Variants in NCKAP5 observed in about 807,000 individuals in gnomAD.
The protein encoded by NCKAP5 is nck-associated protein 5.
A neutral mutation model predicts 167.0 loss-of-function variants in NCKAP5; 92 were observed. That is an observed-to-expected ratio of 0.55 (90% CI 0.47 to 0.66). The LOEUF is 0.66. Ranked by LOEUF, NCKAP5 falls within the 30% of genes least tolerant of loss-of-function variation. The pLI, the probability that NCKAP5 is intolerant of heterozygous loss-of-function variation, is 0.00. For synonymous variants in NCKAP5, 891 were observed against 877.4 expected, an observed-to-expected ratio of 1.02 and a Z score of -0.27; for missense variants, 2,378 against 2,315.0, an observed-to-expected ratio of 1.03 and a Z score of -0.56.
At chr2:132,908,944 T>A (rs909269881) in intron 8 of NCKAP5, among the ~76,000 whole-genome samples, 11 of 152,228 alleles carry the variant, frequency 7.2e-5, no homozygotes, top group African/African-American at 2.7e-4. Flanking sequence ...CATTTCTTCA[T>A]CCTCACTGAA....
At chr2:133,014,107 T>C (rs2078255066) in intron 6 of NCKAP5, among the ~76,000 whole-genome samples, 1 of 152,198 alleles carries the variant, frequency 6.6e-6, no homozygotes, top group African/African-American at 2.4e-5. Flanking sequence ...CAACAATTTT[T>C]ATCATTTCAA....
rs189017129 is a variant in NCKAP5, at chr2:132,996,733, C to T, written c.342-2494G>A. 2.7e-3 allele frequency among the ~76,000 whole-genome samples: 418 copies of T among 152,344 alleles called. 6 individuals are homozygous for T. Among genetic ancestry groups the T allele is most frequent in the African/African-American group, 9.1e-3 (379 of 41,578 alleles). On this transcript the variant is annotated intron_variant, in intron 6 of 19. Coordinates refer to ENST00000409261, the MANE Select transcript of NCKAP5 (RefSeq NM_207363.3). ...CTCAACTGTAGATAAAATACATACT[C>T]ACTAGACATTATTGTATGAATCCTT...
At chr2:133,139,242 A>G (rs1250548461) in intron 5 of NCKAP5, among the ~76,000 whole-genome samples, 1 of 152,212 alleles carries the variant, frequency 6.6e-6, no homozygotes, top group African/African-American at 2.4e-5. Flanking sequence ...CTCACATTCT[A>G]TACAGCAATG....
At chr2:133,049,349 T>C (rs1175948267) in intron 6 of NCKAP5, among the ~76,000 whole-genome samples, 3 of 151,908 alleles carry the variant, frequency 2.0e-5, no homozygotes, top group Admixed American at 2.0e-4. Context: ...ATTGAGAGCA[T>C]CCTGGCTAAC....
intron 6 of NCKAP5, among the ~76,000 whole-genome samples, chr2:133,009,731 A>G (rs1208839014): frequency 6.6e-6 from 1 of 152,198 alleles, no homozygotes; most frequent in African/African-American, 2.4e-5. Context: ...ATGTATTAAG[A>G]GCCAGAAGAG....
intron 3 of NCKAP5, among the ~76,000 whole-genome samples, chr2:133,366,557 C>A (rs961010628): frequency 6.6e-6 from 1 of 152,090 alleles, no homozygotes; most frequent in Admixed American, 6.5e-5. Flanking sequence ...CAGCCTCAGC[C>A]CCCCAAAGTG....
At chr2:132,989,449 A>C (rs955180809) in intron 7 of NCKAP5, among the ~76,000 whole-genome samples, 1 of 152,150 alleles carries the variant, frequency 6.6e-6, no homozygotes, top group Non-Finnish European at 1.5e-5. Context: ...GGGACCCGGG[A>C]GGTGCTTTTC....
At chr2:133,460,912 T>C (rs992223428) in intron 3 of NCKAP5, among the ~76,000 whole-genome samples, 2 of 152,134 alleles carry the variant, frequency 1.3e-5, no homozygotes, top group Non-Finnish European at 2.9e-5. Context: ...ATCAAAGCAT[T>C]ATTTATAGTT....
the NCKAP5 span, among the ~76,000 whole-genome samples, chr2:133,619,003 T>C: frequency 1.4e-5 from 2 of 144,466 alleles, no homozygotes; most frequent in East Asian, 2.0e-4. Context: ...ATGTCCTTTG[T>C]AGGGACATGG....
intron 3 of NCKAP5, among the ~76,000 whole-genome samples, chr2:133,340,428 G>T (rs1683496478): frequency 6.6e-6 from 1 of 152,122 alleles, no homozygotes; most frequent in South Asian, 2.1e-4. Flanking sequence ...GGAAGACTTA[G>T]CCTTCTTTTC....
At chr2:133,369,275 A>G (rs1037470718) in intron 3 of NCKAP5, among the ~76,000 whole-genome samples, 2 of 152,204 alleles carry the variant, frequency 1.3e-5, no homozygotes, top group Admixed American at 1.3e-4. Flanking sequence ...GTGCAGAACT[A>G]TCGAAGCAAT....
the NCKAP5 span, among the ~76,000 whole-genome samples, chr2:133,602,729 C>T: frequency 6.6e-6 from 1 of 152,298 alleles, no homozygotes; most frequent in East Asian, 1.9e-4. Flanking sequence ...AGAAACAGGC[C>T]TTGGGCCAGC....
intron 6 of NCKAP5, among the ~76,000 whole-genome samples, chr2:133,090,787 T>G (rs1303393209): frequency 2.3e-5 from 3 of 128,004 alleles, no homozygotes; most frequent in Non-Finnish European, 4.9e-5. Flanking sequence ...GTTGGAGACT[T>G]GGCGGGGGAA....
intron 5 of NCKAP5, among the ~76,000 whole-genome samples, chr2:133,160,504 G>A (rs2083753968): frequency 1.4e-5 from 2 of 145,610 alleles, no homozygotes; most frequent in Non-Finnish European, 3.0e-5. Context: ...CAGCCCTTAG[G>A]ATCAGAAAAG....
chr2:133,276,139 TCTTC>T (rs1295989725), intron 4 of NCKAP5, among the ~76,000 whole-genome samples: 1 of 152,122 alleles, frequency 6.6e-6, no homozygotes, highest in African/African-American at 2.4e-5. Context: ...AAACATTTTC[TCTTC>T]CTTATGATTT....
At chr2:133,571,704 TC>T (rs1200685845), upstream of NCKAP5, among the ~76,000 whole-genome samples, 5 of 152,006 alleles carry the variant, frequency 3.3e-5, no homozygotes, top group South Asian at 2.1e-4. Context: ...AGCCAAAAGG[TC>T]TCTTAGAGCT....
chr2:133,229,813 A>C (rs1574445852), intron 4 of NCKAP5, among the ~76,000 whole-genome samples: 1 of 152,020 alleles, frequency 6.6e-6, no homozygotes, highest in South Asian at 2.1e-4. Context: ...CACACACACA[A>C]AACCTCCATG....
chr2:132,965,000 CTT>C (rs1422073605), intron 7 of NCKAP5, among the ~76,000 whole-genome samples: 5 of 151,932 alleles, frequency 3.3e-5, no homozygotes, highest in African/African-American at 9.7e-5. Context: ...AAAAATATGT[CTT>C]AATGTATATG....
intron 1 of NCKAP5, among the ~76,000 whole-genome samples, chr2:133,565,263 C>G (rs554499992): frequency 1.1e-4 from 17 of 152,174 alleles, no homozygotes; most frequent in Non-Finnish European, 2.1e-4. Flanking sequence ...GGATCTGAAT[C>G]CCACCTTAGA....
Sources: allele counts gnomAD v4.1 joint callset (sites outside exome capture counted in the v4.1 genomes callset), GRCh38; gene constraint gnomAD v4.1.1; transcripts MANE v1.5; gene names NCBI Gene and HGNC (gene_info 2026-07-23, HGNC 2026-07-21).